PCSK2: variants seen among roughly 807,000 people sequenced by gnomAD.
PCSK2 encodes the protein proprotein convertase subtilisin/kexin type 2.
Under a neutral mutation model 69.7 loss-of-function variants are expected in PCSK2, and 14 were observed. The observed-to-expected ratio is 0.20, with a 90% CI of 0.13 to 0.31. The LOEUF is 0.31. Ranked by LOEUF, PCSK2 falls within the 10% of genes least tolerant of loss-of-function variation. The pLI is 1.00. For synonymous variants in PCSK2, 307 were observed against 320.7 expected, an observed-to-expected ratio of 0.96 and a Z score of 0.46; for missense variants, 544 against 842.5, an observed-to-expected ratio of 0.65 and a Z score of 4.39.
intron 2 of PCSK2, among the ~76,000 whole-genome samples, chr20:17,348,070 A>AGAAAG (rs1555790037): frequency 6.7e-6 from 1 of 148,252 alleles, no homozygotes; most frequent in African/African-American, 2.6e-5. Flanking sequence ...AAAGAAAGAA[A>AGAAAG]GAAAGAAAGA....
At chr20:17,403,836 G>A (rs1406308873) in intron 5 of PCSK2, among the ~76,000 whole-genome samples, 1 of 152,148 alleles carries the variant, frequency 6.6e-6, no homozygotes, top group Admixed American at 6.5e-5. Context: ...GTCTTCTGTG[G>A]CACAATTTCC....
intron 2 of PCSK2, among the ~76,000 whole-genome samples, chr20:17,351,045 A>G (rs1039661990): frequency 6.6e-6 from 1 of 152,016 alleles, no homozygotes; most frequent in African/African-American, 2.4e-5. Context: ...ATCTAAAAAA[A>G]AAAAAAAAAA....
At chr20:17,295,527 A>T (rs935950000) in intron 2 of PCSK2, among the ~76,000 whole-genome samples, 1 of 146,766 alleles carries the variant, frequency 6.8e-6, no homozygotes, top group Non-Finnish European at 1.5e-5. Context: ...ATTTTTATAT[A>T]TATTTATTTA....
intron 5 of PCSK2, among the ~76,000 whole-genome samples, chr20:17,401,449 G>A (rs2031634731): frequency 6.6e-6 from 1 of 151,986 alleles, no homozygotes; most frequent in South Asian, 2.1e-4. Context: ...CGTTCATGAG[G>A]GCTCCACCCT....
chr20:17,378,246 C>T (rs1220330017), intron 5 of PCSK2, among the ~76,000 whole-genome samples: 1 of 152,074 alleles, frequency 6.6e-6, no homozygotes, highest in African/African-American at 2.4e-5. Context: ...TGCAGCTCAC[C>T]ACATGGGGGA....
At chr20:17,285,787 CT>C (rs1568585308) in intron 2 of PCSK2, among the ~76,000 whole-genome samples, 2 of 152,154 alleles carry the variant, frequency 1.3e-5, no homozygotes, top group African/African-American at 4.8e-5. Context: ...TGGAATTTTC[CT>C]TGCTCCAGAT....
At chr20:17,464,694 T>C (rs572729238) in intron 10 of PCSK2, 1 of 152,626 alleles carries the variant, frequency 6.6e-6, no homozygotes, top group South Asian at 2.1e-4. Context: ...GCCAACATGG[T>C]ATTTGTGAGA....
intron 2 of PCSK2, among the ~76,000 whole-genome samples, chr20:17,279,393 A>G (rs1179932062): frequency 6.6e-6 from 1 of 151,908 alleles, no homozygotes; most frequent in Non-Finnish European, 1.5e-5. Context: ...ATTTGCTCTT[A>G]GTTCTCTGCA....
chr20:17,232,471 A>C (rs1986174707), intron 1 of PCSK2, among the ~76,000 whole-genome samples: 1 of 152,194 alleles, frequency 6.6e-6, no homozygotes, highest in Non-Finnish European at 1.5e-5. Flanking sequence ...GATGATTTGG[A>C]TATCCTCTTT....
chr20:17,378,363 A>T (rs2030988593), intron 5 of PCSK2, among the ~76,000 whole-genome samples: 1 of 152,184 alleles, frequency 6.6e-6, no homozygotes, highest in Non-Finnish European at 1.5e-5. Context: ...ATTTGCTTCC[A>T]CCTAGAAGCC....
At chr20:17,326,233 C>G (rs1224936030) in intron 2 of PCSK2, among the ~76,000 whole-genome samples, 1 of 152,176 alleles carries the variant, frequency 6.6e-6, no homozygotes, top group South Asian at 2.1e-4. Context: ...TTTAGAGAAG[C>G]AAACAGCCAA....
At chr20:17,445,190 G>T (rs1371286318) in intron 8 of PCSK2, among the ~76,000 whole-genome samples, 1 of 152,196 alleles carries the variant, frequency 6.6e-6, no homozygotes, top group African/African-American at 2.4e-5. Flanking sequence ...CAGCCATTAT[G>T]GGACACAGCA....
At position 17,351,147 on chromosome 20, in the gene PCSK2, C is replaced by T. The variant is rs558532437; in HGVS notation, c.283-7180C>T. ...TTCATCTTAGCATGGTCATAACTGG[C>T]ACATCATAGAGAGACTAGAGGTGGG... On this transcript the variant is annotated intron_variant, in intron 2 of 11. Transcript: ENST00000262545. 5.3e-5 allele frequency among the ~76,000 whole-genome samples: 8 copies of T among 152,104 alleles called. No individual in the cohort carries two copies. The East Asian group carries it at 1.5e-3, about 29-fold the overall frequency.
intron 2 of PCSK2, among the ~76,000 whole-genome samples, chr20:17,280,181 T>C (rs1052124406): frequency 2.6e-5 from 4 of 152,222 alleles, no homozygotes; most frequent in African/African-American, 9.6e-5. Context: ...GTATAGTATA[T>C]ACTATTTTGC....
At chr20:17,329,057 C>T (rs1295969386) in intron 2 of PCSK2, among the ~76,000 whole-genome samples, 2 of 152,120 alleles carry the variant, frequency 1.3e-5, no homozygotes, top group Admixed American at 6.6e-5. Flanking sequence ...GGCACACTAG[C>T]TTTTTAATTA....
At chr20:17,282,981 T>C (rs570178186) in intron 2 of PCSK2, among the ~76,000 whole-genome samples, 39 of 152,264 alleles carry the variant, frequency 2.6e-4, no homozygotes, top group African/African-American at 8.2e-4. Flanking sequence ...ATGGTTAGGA[T>C]TGGGGATCTT....
At chr20:17,366,197 A>G (rs894833289) in intron 4 of PCSK2, among the ~76,000 whole-genome samples, 3 of 152,138 alleles carry the variant, frequency 2.0e-5, no homozygotes, top group South Asian at 2.1e-4. Flanking sequence ...CTACCTAGGA[A>G]TGTGCACATG....
chr20:17,453,762 C>T lies in PCSK2; in HGVS notation c.906C>T (p.Ser302=). 2 of 1,613,698 alleles carry T rather than the reference C, an allele frequency of 1.2e-6. No homozygotes were observed. Among genetic ancestry groups the T allele is most frequent in the South Asian group, 1.1e-5 (1 of 91,084 alleles). The change falls in exon 9 of 12, where the codon AGC becomes AGT. Residue 302 remains serine (S), a synonymous_variant. Coordinates refer to ENST00000262545, the MANE Select transcript of PCSK2 (RefSeq NM_002594.5). The surrounding 1 kb of genome is among the most constrained non-coding windows in gnomAD (Gnocchi z 4.0). ...CCCAGGGCCGCGGCGGCAAAGGCAGCATCTACGTGTGGGCCTCCGGGGACG... is the reference window on the plus strand; with the variant it reads ...CCCAGGGCCGCGGCGGCAAAGGCAGTATCTACGTGTGGGCCTCCGGGGACG... The part of the protein sequence containing the change: ...GVNKGRGGKG[S]IYVWASGDGG...
chr20:17,333,937 G>T (rs200274001), intron 2 of PCSK2, among the ~76,000 whole-genome samples: 2 of 69,650 alleles, frequency 2.9e-5, no homozygotes, highest in African/African-American at 5.4e-5. Flanking sequence ...ATATATATAT[G>T]GCTTCAAATC....
Sources: allele counts gnomAD v4.1 joint callset (sites outside exome capture counted in the v4.1 genomes callset), GRCh38; gene constraint gnomAD v4.1.1; non-coding constraint Gnocchi (gnomAD v3.1); transcripts MANE v1.5; gene names NCBI Gene and HGNC (gene_info 2026-07-23, HGNC 2026-07-21).